Variants in ATP6V1B1 observed in about 807,000 individuals in gnomAD.
ATP6V1B1 encodes ATPase H+ transporting V1 subunit B1, also known as V-type proton ATPase subunit B, kidney isoform.
A neutral mutation model predicts 62.1 loss-of-function variants in ATP6V1B1; 41 were observed. The observed-to-expected ratio is 0.66, with a 90% CI of 0.51 to 0.86. ATP6V1B1 has a LOEUF of 0.86. ATP6V1B1 is among the 40% of genes least tolerant of loss of function. ATP6V1B1 has a pLI of 0.00. For missense variants in ATP6V1B1, 651 were observed against 697.5 expected (o/e 0.93, Z 0.75); for synonymous variants, 253 against 273.4 (o/e 0.93, Z 0.74).
intron 8 of ATP6V1B1, among the ~76,000 whole-genome samples, chr2:70,962,506 C>T (rs1553420252): frequency 6.6e-6 from 1 of 152,176 alleles, no homozygotes. Context: ...CACTCCTGGC[C>T]CTGCCTGGCT....
chr2:70,947,377 G>C (rs115657984), intron 2 of ATP6V1B1, among the ~76,000 whole-genome samples: 1 of 152,178 alleles, frequency 6.6e-6, no homozygotes, highest in East Asian at 1.9e-4. Flanking sequence ...CAGCATGCCT[G>C]GGGTAGGAGG....
intron 1 of ATP6V1B1, 170 bp from the exon 2 acceptor site, chr2:70,943,488 C>A: frequency 1.3e-6 from 1 of 760,854 alleles, no homozygotes; most frequent in Non-Finnish European, 2.3e-6. Flanking sequence ...CGGGCAGGGG[C>A]ATGACCCTTA....
intron 13 of ATP6V1B1, 26 bp from the exon 14 acceptor site, chr2:70,964,932 A>T (rs781914852): frequency 6.2e-7 from 1 of 1,613,800 alleles, no homozygotes; most frequent in Admixed American, 1.7e-5. Flanking sequence ...ACACATTCCT[A>T]ACACTCCCTC....
At position 70,964,112 on chromosome 2, in the gene ATP6V1B1, GTATTTT is replaced by G. The variant is rs138974179; in HGVS notation, c.1144-324_1144-319del. On this transcript the variant is annotated intron_variant, in intron 11 of 13. Coordinates refer to ENST00000234396, the MANE Select transcript of ATP6V1B1 (RefSeq NM_001692.4). ...TGACGTTTTTCTCTTTGCTTGGCAG[GTATTTT>G]TTTTTTTTTTTTTTTTTTGCAGCTA... 711 of 158,266 alleles carry G rather than the reference GTATTTT, an allele frequency of 4.5e-3. 5 individuals are homozygous for G. The highest frequency in any genetic ancestry group is 0.021 in the African/African-American group (388 of 18,450). The allele number at this position is 158,266 out of a possible 1,614,324, so 9.8% of individuals were successfully genotyped here. A position where few individuals can be genotyped will look rare whatever the true frequency, so the allele number is the denominator to read the frequency against.
At chr2:70,943,970 T>C (rs1410299422) in intron 2 of ATP6V1B1, 8 of 974,094 alleles carry the variant, frequency 8.2e-6, no homozygotes, top group Non-Finnish European at 9.8e-6. Context: ...GGAAACCTCC[T>C]ACTATCCCTA....
chr2:70,938,472 C>A, intron 1 of ATP6V1B1: 1 of 858,150 alleles, frequency 1.2e-6, no homozygotes, highest in South Asian at 5.3e-5. Context: ...GGCAGGGAGG[C>A]CCCAGTGCTC....
At chr2:70,955,480 C>G (rs1384878836) in intron 2 of ATP6V1B1, among the ~76,000 whole-genome samples, 7 of 152,184 alleles carry the variant, frequency 4.6e-5, no homozygotes, top group African/African-American at 1.2e-4. Flanking sequence ...AGTCCTCACT[C>G]CAGTCCTCCC....
At chr2:70,952,462 C>G in intron 2 of ATP6V1B1, among the ~76,000 whole-genome samples, 1 of 103,094 alleles carries the variant, frequency 9.7e-6, no homozygotes, top group African/African-American at 3.6e-5. Flanking sequence ...GACTCTGTCT[C>G]AAAAAAAAAA....
At chr2:70,957,826 A>G in intron 2 of ATP6V1B1, 1 of 576,614 alleles carries the variant, frequency 1.7e-6, no homozygotes, top group South Asian at 1.9e-5. Context: ...TAAGCTTCAG[A>G]GTTTCAGCTG....
chr2:70,940,345 C>CCCCAACCCAAAA, intron 1 of ATP6V1B1: 2 of 902,808 alleles, frequency 2.2e-6, no homozygotes, highest in South Asian at 5.1e-5. Context: ...CCCACACCCC[C>CCCCAACCCAAAA]ACCTCCCTAT....
At position 70,959,927 on chromosome 2, in the gene ATP6V1B1, G is replaced by A. The variant is rs1454253653; in HGVS notation, c.446-12G>A. The A allele has an allele frequency of 1.1e-5, 18 of 1,613,938 alleles. No homozygotes were observed. Among genetic ancestry groups the A allele is most frequent in the East Asian group, 2.2e-5 (1 of 44,880 alleles). The stretch of plus-strand genomic sequence containing the variant: ...AACCCCTGAGCATGGCTCTGTGATC[G>A]CCCTCTCCCAGGCCAGCCCATCAAC... On this transcript the variant is annotated splice_polypyrimidine_tract_variant and intron_variant, in intron 5 of 13. Transcript: ENST00000234396. The surrounding 1 kb of genome is among the most constrained non-coding windows in gnomAD (Gnocchi z 4.2).
chr2:70,957,866 G>A (rs1553419316), intron 2 of ATP6V1B1, 180 bp from the exon 3 acceptor site: 2 of 654,960 alleles, frequency 3.1e-6, no homozygotes, highest in Admixed American at 4.3e-5. Context: ...TGAAGTGGGT[G>A]CAACTGCCTC....
chr2:70,943,697 T>C lies in ATP6V1B1; in HGVS notation c.158T>C (p.Val53Ala). The C allele has an allele frequency of 1.2e-6, 2 of 1,613,762 alleles. No homozygotes were observed. Among genetic ancestry groups the C allele is most frequent in the East Asian group, 2.2e-5 (1 of 44,854 alleles). ...TVCSVNGPLV[V>A]LDRVKFAQYA... ...TGCAGCGTGAACGGGCCCCTGGTGG[T>C]GCTGGACCGGGTCAAGGTAAGACTC... The change falls in exon 2 of 14, where the codon GTG becomes GCG. Residue 53 changes from valine (V) to alanine (A), a missense_variant. Val to Ala is a moderately conservative substitution (Grantham distance 64, BLOSUM62 0). Coordinates refer to ENST00000234396, the MANE Select transcript of ATP6V1B1 (RefSeq NM_001692.4).
intron 1 of ATP6V1B1, 123 bp from the exon 2 acceptor site, chr2:70,943,535 C>A: frequency 9.5e-7 from 1 of 1,051,860 alleles, no homozygotes; most frequent in East Asian, 2.6e-5. Context: ...GCTAATGACC[C>A]TGACGGCCCA....
intron 1 of ATP6V1B1, 192 bp from the exon 2 acceptor site, chr2:70,943,466 G>C: frequency 1.4e-6 from 1 of 711,236 alleles, no homozygotes. Context: ...TGTCCGAGCA[G>C]CAGGGGCCCT....
intron 7 of ATP6V1B1, 65 bp from the exon 8 acceptor site, chr2:70,961,531 G>C: frequency 6.6e-7 from 1 of 1,524,800 alleles, no homozygotes; most frequent in East Asian, 2.3e-5. Context: ...GGACACCTGG[G>C]AGGGGCCAGG....
At chr2:70,961,449 CG>C in intron 7 of ATP6V1B1, 146 bp from the exon 8 acceptor site, 2 of 810,338 alleles carry the variant, frequency 2.5e-6, no homozygotes, top group South Asian at 1.5e-5. Context: ...TTTCCAGCCC[CG>C]GGGTCACCCC....
chr2:70,950,908 CTG>C (rs1211416275), intron 2 of ATP6V1B1, among the ~76,000 whole-genome samples: 1 of 142,268 alleles, frequency 7.0e-6, no homozygotes, highest in African/African-American at 2.6e-5. Context: ...CCATGTGTGA[CTG>C]TGTGTGCATA....
chr2:70,937,058 G>A (rs1001979601), intron 1 of ATP6V1B1, among the ~76,000 whole-genome samples: 2 of 151,120 alleles, frequency 1.3e-5, no homozygotes, highest in African/African-American at 2.4e-5. Context: ...AGCATGGCCC[G>A]CCACAGCTAT....
Sources: allele counts gnomAD v4.1 joint callset (sites outside exome capture counted in the v4.1 genomes callset), GRCh38; gene constraint gnomAD v4.1.1; non-coding constraint Gnocchi (gnomAD v3.1); transcripts MANE v1.5; gene names NCBI Gene and HGNC (gene_info 2026-07-23, HGNC 2026-07-21).